SEMA3A: variants seen among roughly 807,000 people sequenced by gnomAD.
The protein encoded by SEMA3A is semaphorin-3A.
A neutral mutation model predicts 97.9 loss-of-function variants in SEMA3A; 29 were observed. That is an observed-to-expected ratio of 0.30 (90% CI 0.22 to 0.40). The LOEUF (loss-of-function observed/expected upper bound fraction) is 0.40. Among genes scored for constraint, SEMA3A ranks in the 10% least tolerant of loss-of-function variants. The pLI, the probability that SEMA3A is intolerant of heterozygous loss-of-function variation, is 1.00. For synonymous variants in SEMA3A, 321 were observed against 323.7 expected (o/e 0.99, Z 0.09); for missense variants, 763 against 951.3 (o/e 0.80, Z 2.60).
chr7:84,135,904 C>T (rs1185078902), intron 1 of SEMA3A, among the ~76,000 whole-genome samples: 1 of 152,246 alleles, frequency 6.6e-6, no homozygotes, highest in African/African-American at 2.4e-5. Flanking sequence ...CAGTTTGCTT[C>T]TGCTGTGAAT....
chr7:84,360,303 C>T (rs1802684062), intron 2 of SEMA3A, among the ~76,000 whole-genome samples: 1 of 152,058 alleles, frequency 6.6e-6, no homozygotes, highest in African/African-American at 2.4e-5. Flanking sequence ...TCTACATACA[C>T]ACTGCTTTAA....
In SEMA3A at chr7:84,046,438, C is replaced by T; in HGVS notation, c.553G>A (p.Glu185Lys). Reference protein sequence around the residue: ...LLTASLLIDGELYSGTAADFM... With the variant: ...LLTASLLIDGKLYSGTAADFM... ...TCAGCTGCAGTTCCAGAGTATAATT[C>T]TCCATCTGTGTTGTGACAAAACCAC... is the stretch of plus-strand genomic sequence containing the variant. The change falls in exon 6 of 17, where the codon GAA becomes AAA. Residue 185 changes from glutamate to lysine, a missense_variant. This residue lies in a region of SEMA3A where 678 missense variants were observed against 881.3 expected (regional missense o/e 0.77). Transcript: ENST00000265362. 1 of 1,612,918 alleles carries T rather than the reference C, an allele frequency of 6.2e-7. No individual in the cohort carries two copies. The highest frequency in any genetic ancestry group is 1.1e-5 in the South Asian group (1 of 91,050).
chr7:84,359,050 G>T (rs1305115561), intron 2 of SEMA3A, among the ~76,000 whole-genome samples: 3 of 152,120 alleles, frequency 2.0e-5, no homozygotes, highest in African/African-American at 2.4e-5. Context: ...TGAGACGATG[G>T]GGTTTTCTAC....
In SEMA3A at chr7:84,049,189, A is replaced by G. The variant is rs574416216; in HGVS notation, c.548-2746T>C. On this transcript the variant is annotated intron_variant, in intron 5 of 16. Transcript: ENST00000265362. Reference sequence around the variant, plus strand: ...TTAGGCACCAGTTGCCTCCAGCTATAGGAAATTACCTCCCACATGAATATT... The same window carrying G: ...TTAGGCACCAGTTGCCTCCAGCTATGGGAAATTACCTCCCACATGAATATT... Among the ~76,000 whole-genome samples, 5 of 152,212 alleles carry G rather than the reference A, an allele frequency of 3.3e-5. No individual in the cohort carries two copies. The East Asian group carries it at 9.6e-4, about 29-fold the overall frequency.
Position 84,030,178 on chromosome 7 carries a change from A to G in SEMA3A, c.668-15827T>C, listed in dbSNP as rs547432893. 9.9e-4 allele frequency among the ~76,000 whole-genome samples: 150 copies of G among 152,282 alleles called. 1 individual carries two copies. Among genetic ancestry groups the G allele is most frequent in the Non-Finnish European group, 1.0e-3 (70 of 67,986 alleles). On this transcript the variant is annotated intron_variant, in intron 6 of 16. Coordinates refer to ENST00000265362, the MANE Select transcript of SEMA3A (RefSeq NM_006080.3). ...TTCATATCCTACAGCTAAATAATATAGAACTTTCTATTTAGAAAGCCTTTG... is the reference window on the plus strand; with the variant it reads ...TTCATATCCTACAGCTAAATAATATGGAACTTTCTATTTAGAAAGCCTTTG...
In SEMA3A at chr7:84,385,662, C is replaced by T. The variant is rs574460961; in HGVS notation, c.-245-13762G>A. On this transcript the variant is annotated intron_variant, in intron 1 of 3. Coordinates refer to the SEMA3A transcript ENST00000424555. ...GTTTGAATTTCCCAGAAGAGCCACA[C>T]TCTTAATCTGATCTTTGCTCTGAGT... Among the ~76,000 whole-genome samples the T allele has an allele frequency of 2.9e-4, 44 of 152,268 alleles. 1 individual carries two copies. Among genetic ancestry groups the T allele is most frequent in the African/African-American group, 9.9e-4 (41 of 41,560 alleles).
intron 2 of SEMA3A, among the ~76,000 whole-genome samples, chr7:84,331,012 T>C (rs1466476706): frequency 1.3e-5 from 2 of 152,138 alleles, no homozygotes; most frequent in African/African-American, 2.4e-5. Flanking sequence ...TAGATCAAAG[T>C]CAGTATCCTA....
intron 1 of SEMA3A, among the ~76,000 whole-genome samples, chr7:84,472,551 T>TAAAACATGTC (rs963614251): frequency 4.6e-5 from 7 of 152,212 alleles, no homozygotes; most frequent in African/African-American, 9.6e-5. Context: ...GTTTTTCAGC[T>TAAAACATGTC]AAAACATGTC....
At chr7:83,982,924 A>G (rs1198765399) in intron 13 of SEMA3A, among the ~76,000 whole-genome samples, 1 of 151,980 alleles carries the variant, frequency 6.6e-6, no homozygotes, top group Admixed American at 6.6e-5. Context: ...ACCTTATTAC[A>G]AGCAAAGTAA....
At chr7:84,387,254 G>T (rs1803421114) in intron 1 of SEMA3A, among the ~76,000 whole-genome samples, 1 of 151,974 alleles carries the variant, frequency 6.6e-6, no homozygotes, top group East Asian at 1.9e-4. Flanking sequence ...TGCCAGAGAA[G>T]TCTACTTCTT....
intron 2 of SEMA3A, among the ~76,000 whole-genome samples, chr7:84,341,969 T>G (rs1292286215): frequency 1.3e-5 from 2 of 152,204 alleles, no homozygotes; most frequent in East Asian, 3.9e-4. Flanking sequence ...CTACTCATTC[T>G]TCACATGTCA....
Position 84,269,165 on chromosome 7 carries a change from C to T in SEMA3A, c.-83+38042G>A, listed in dbSNP as rs143888037. On this transcript the variant is annotated intron_variant, in intron 3 of 3. Transcript: ENST00000424555. The stretch of plus-strand genomic sequence containing the variant: ...TTTCTGTTTATATCTCATATGTATA[C>T]TGTATTGTTTAGTAATTTTCATCAT... 5.6e-3 allele frequency among the ~76,000 whole-genome samples: 850 copies of T among 152,024 alleles called. 12 individuals are homozygous for T. Among genetic ancestry groups the T allele is most frequent in the African/African-American group, 0.019 (801 of 41,478 alleles).
At chr7:84,016,791 A>G (rs1791123448) in intron 6 of SEMA3A, among the ~76,000 whole-genome samples, 1 of 152,202 alleles carries the variant, frequency 6.6e-6, no homozygotes, top group South Asian at 2.1e-4. Flanking sequence ...TAACAAATAT[A>G]CTATATTAAC....
At position 84,398,458 on chromosome 7, in the gene SEMA3A, G is replaced by T. The variant is rs370289345; in HGVS notation, c.-245-26558C>A. Among the ~76,000 whole-genome samples the T allele has an allele frequency of 7.0e-4, 106 of 151,930 alleles. 1 individual carries two copies. Among genetic ancestry groups the T allele is most frequent in the African/African-American group, 2.4e-3 (98 of 41,346 alleles). On this transcript the variant is annotated intron_variant, in intron 1 of 3. Coordinates refer to the SEMA3A transcript ENST00000424555. ...ACTTCAAACACATCACCCTCCTTTC[G>T]CAGTTCCTGACTGAAGCCGTTAAAA...
chr7:84,082,430 T>C (rs1011882306), intron 4 of SEMA3A, among the ~76,000 whole-genome samples: 1 of 152,154 alleles, frequency 6.6e-6, no homozygotes, highest in African/African-American at 2.4e-5. Context: ...AGGCATTTGA[T>C]ACATTGTGAA....
In SEMA3A at chr7:84,054,963, A is replaced by G. The variant is rs545808601; in HGVS notation, c.547+5502T>C. On this transcript the variant is annotated intron_variant, in intron 5 of 16. Coordinates refer to ENST00000265362, the MANE Select transcript of SEMA3A (RefSeq NM_006080.3). ...TGCAGGTCTGTTGGAGTACCCTGCC[A>G]TGTGAGGTGTCAGTCTGCCCCTGCT... 7.4e-3 allele frequency among the ~76,000 whole-genome samples: 1,122 copies of G among 151,562 alleles called. 9 individuals carry two copies. Among genetic ancestry groups the G allele is most frequent in the Middle Eastern group, 0.034 (10 of 290 alleles).
At chr7:84,197,673 C>G (rs1482811792), upstream of SEMA3A, among the ~76,000 whole-genome samples, 1 of 149,260 alleles carries the variant, frequency 6.7e-6, no homozygotes, top group Non-Finnish European at 1.5e-5. Context: ...CAGAATCTAT[C>G]GGAATCTGGC....
At chr7:84,028,789 T>C (rs143051851) in intron 6 of SEMA3A, among the ~76,000 whole-genome samples, 1 of 151,944 alleles carries the variant, frequency 6.6e-6, no homozygotes, top group Non-Finnish European at 1.5e-5. Context: ...TTTTATTTTT[T>C]TTTGTATTTT....
intron 1 of SEMA3A, among the ~76,000 whole-genome samples, chr7:84,402,679 G>A (rs548283512): frequency 6.6e-6 from 1 of 152,124 alleles, no homozygotes; most frequent in East Asian, 1.9e-4. Flanking sequence ...TATTATTAAT[G>A]GATGAATAAA....
Sources: allele counts gnomAD v4.1 joint callset (sites outside exome capture counted in the v4.1 genomes callset), GRCh38; gene constraint gnomAD v4.1.1; regional missense constraint gnomAD v4.1.1; transcripts MANE v1.5; gene names NCBI Gene and HGNC (gene_info 2026-07-23, HGNC 2026-07-21).